FBXL17: variants seen among roughly 807,000 people sequenced by gnomAD.
FBXL17 encodes F-box and leucine rich repeat protein 17.
Under a neutral mutation model 66.2 loss-of-function variants are expected in FBXL17, and 22 were observed. That is an observed-to-expected ratio of 0.33 (90% confidence interval 0.24 to 0.47). FBXL17 has a LOEUF of 0.47. Ranked by LOEUF, FBXL17 falls within the 20% of genes least tolerant of loss-of-function variation. The pLI is 1.00. For missense variants in FBXL17, 878 were observed against 948.2 expected, an observed-to-expected ratio of 0.93 and a Z score of 0.97; for synonymous variants, 474 against 400.5, an observed-to-expected ratio of 1.18 and a Z score of -2.19.
At position 108,218,121 on chromosome 5, in the gene FBXL17, T is replaced by A. The variant is rs189443372; in HGVS notation, c.1614+6000A>T. On this transcript the variant is annotated intron_variant, in intron 5 of 8. Transcript: ENST00000542267. ...CCCGGGTTCACGCCATTCTCCTGCC[T>A]CAGCCTCCAGAGTAGCTGGGACTAT... 7.3e-4 allele frequency among the ~76,000 whole-genome samples: 108 copies of A among 146,968 alleles called. 2 individuals are homozygous for A. In the East Asian group the frequency reaches 0.021, roughly 28 times the overall value.
intron 6 of FBXL17, among the ~76,000 whole-genome samples, chr5:108,118,268 T>A (rs926386680): frequency 2.0e-5 from 3 of 152,168 alleles, no homozygotes; most frequent in Non-Finnish European, 2.9e-5. Context: ...CCCAACTGAG[T>A]AAGGGACATC....
intron 8 of FBXL17, among the ~76,000 whole-genome samples, chr5:107,871,358 G>T (rs138118827): frequency 5.1e-4 from 78 of 152,244 alleles, no homozygotes; most frequent in Middle Eastern, 3.4e-3. Flanking sequence ...GGGAGGATGG[G>T]GATCACAGAA....
Position 108,102,335 on chromosome 5 carries a change from T to G in FBXL17, c.1746-81334A>C, listed in dbSNP as rs1221779212. 5.9e-5 allele frequency among the ~76,000 whole-genome samples: 9 copies of G among 152,342 alleles called. No homozygotes were observed. In the East Asian group the frequency reaches 1.7e-3, roughly 29 times the overall value. On this transcript the variant is annotated intron_variant, in intron 6 of 8. Transcript: ENST00000542267. Reference sequence around the variant, plus strand: ...ATTACAAATTTTAATTTTCTTTTACTAAAAATGACTTTATGTCTATCATAT... The same window carrying G: ...ATTACAAATTTTAATTTTCTTTTACGAAAAATGACTTTATGTCTATCATAT...
chr5:108,028,010 T>C (rs1258137536), intron 6 of FBXL17, among the ~76,000 whole-genome samples: 1 of 152,148 alleles, frequency 6.6e-6, no homozygotes, highest in Non-Finnish European at 1.5e-5. Context: ...TTTATGGTGT[T>C]CTGGCATATT....
chr5:108,067,998 A>G (rs1001110035), intron 6 of FBXL17, among the ~76,000 whole-genome samples: 1 of 152,194 alleles, frequency 6.6e-6, no homozygotes, highest in Admixed American at 6.5e-5. Flanking sequence ...TTTTCTGGTC[A>G]TCATGCTTGG....
At chr5:108,192,978 G>A (rs1399607963) in intron 5 of FBXL17, among the ~76,000 whole-genome samples, 1 of 152,134 alleles carries the variant, frequency 6.6e-6, no homozygotes, top group Non-Finnish European at 1.5e-5. Flanking sequence ...ATCACTTCAG[G>A]ACTCTGAGGA....
chr5:108,054,086 G>C (rs1375878322), intron 6 of FBXL17, among the ~76,000 whole-genome samples: 1 of 152,082 alleles, frequency 6.6e-6, no homozygotes, highest in Non-Finnish European at 1.5e-5. Context: ...ACACGGAGAA[G>C]AACAGCACAC....
chr5:108,067,236 T>A lies in FBXL17; in HGVS notation c.1746-46235A>T, dbSNP rs1748147970. Among the ~76,000 whole-genome samples the A allele has an allele frequency of 4.6e-5, 7 of 152,112 alleles. No homozygotes were observed. In the South Asian group the frequency reaches 1.4e-3, roughly 32 times the overall value. On this transcript the variant is annotated intron_variant, in intron 6 of 8. Coordinates refer to ENST00000542267, the MANE Select transcript of FBXL17 (RefSeq NM_001163315.3). The stretch of plus-strand genomic sequence containing the variant: ...ATGACCCTAACAGTATATGGTATTA[T>A]CTGAGACATGTAAAACAGACTTAAT...
intron 3 of FBXL17, among the ~76,000 whole-genome samples, chr5:108,363,866 T>C (rs1748494763): frequency 6.6e-6 from 1 of 151,996 alleles, no homozygotes; most frequent in South Asian, 2.1e-4. Context: ...TCATGCTATA[T>C]ACACAAAATA....
At chr5:108,022,043 C>T (rs1030636478) in intron 6 of FBXL17, among the ~76,000 whole-genome samples, 2 of 151,746 alleles carry the variant, frequency 1.3e-5, no homozygotes, top group Non-Finnish European at 2.9e-5. Context: ...AAATTTTATA[C>T]AATTTTACTT....
chr5:108,032,029 CATTA>C (rs1262283886), intron 6 of FBXL17, among the ~76,000 whole-genome samples: 11 of 152,140 alleles, frequency 7.2e-5, no homozygotes, highest in Non-Finnish European at 1.3e-4. Context: ...TCTACTTTGT[CATTA>C]ATTATTTGGA....
chr5:108,031,868 C>A (rs1181341719), intron 6 of FBXL17, among the ~76,000 whole-genome samples: 1 of 152,042 alleles, frequency 6.6e-6, no homozygotes, highest in Non-Finnish European at 1.5e-5. Flanking sequence ...GTGTTTAGAA[C>A]CTGGTACTGA....
chr5:108,221,671 A>T (rs924597461), intron 5 of FBXL17, among the ~76,000 whole-genome samples: 1 of 152,208 alleles, frequency 6.6e-6, no homozygotes, highest in Non-Finnish European at 1.5e-5. Context: ...TATGATGATA[A>T]GGAAAACACA....
At chr5:108,184,663 G>T (rs1384420146) in intron 6 of FBXL17, among the ~76,000 whole-genome samples, 1 of 140,962 alleles carries the variant, frequency 7.1e-6, no homozygotes, top group Non-Finnish European at 1.5e-5. Context: ...AGAATCCCTT[G>T]AACCCAGGAG....
intron 5 of FBXL17, among the ~76,000 whole-genome samples, chr5:108,196,517 T>C (rs1189411646): frequency 6.6e-6 from 1 of 152,202 alleles, no homozygotes; most frequent in African/African-American, 2.4e-5. Context: ...AGGAAGCTAC[T>C]GCAGGTCAGG....
intron 6 of FBXL17, among the ~76,000 whole-genome samples, chr5:108,099,346 A>C (rs1749513060): frequency 6.6e-6 from 1 of 152,204 alleles, no homozygotes. Context: ...AATTAAACTA[A>C]CCAAAGACAG....
intron 5 of FBXL17, among the ~76,000 whole-genome samples, chr5:108,205,375 C>A (rs1754075698): frequency 6.6e-6 from 1 of 152,026 alleles, no homozygotes; most frequent in African/African-American, 2.4e-5. Flanking sequence ...ACAAGCATAC[C>A]ACTATCATTC....
chr5:107,867,713 G>C (rs1317747433), intron 8 of FBXL17, among the ~76,000 whole-genome samples: 2 of 152,216 alleles, frequency 1.3e-5, no homozygotes, highest in Non-Finnish European at 2.9e-5. Context: ...GAGTTGGTAT[G>C]CCTTCACCCC....
At chr5:108,163,423 C>CAA (rs1752293585) in intron 6 of FBXL17, among the ~76,000 whole-genome samples, 1 of 118,580 alleles carries the variant, frequency 8.4e-6, no homozygotes, top group Non-Finnish European at 1.6e-5. Context: ...TTTTTTGAGA[C>CAA]AGAGTCTTGG....
Sources: allele counts gnomAD v4.1 joint callset (sites outside exome capture counted in the v4.1 genomes callset), GRCh38; gene constraint gnomAD v4.1.1; transcripts MANE v1.5; gene names NCBI Gene and HGNC (gene_info 2026-07-23, HGNC 2026-07-21).